TENM2: variants seen among roughly 807,000 people sequenced by gnomAD.
TENM2 encodes the protein teneurin-2.
In TENM2, 52 loss-of-function variants were observed where a neutral mutation model predicts 245.2. The observed-to-expected ratio is 0.21, with a 90% CI of 0.17 to 0.27. The LOEUF (loss-of-function observed/expected upper bound fraction) is 0.27, where lower values mean the gene tolerates loss of function less well. TENM2 is among the 10% of genes least tolerant of loss of function. TENM2 has a pLI of 1.00. For missense variants in TENM2, 3,046 were observed against 3,666.8 expected (o/e 0.83, Z 4.37); for synonymous variants, 1,363 against 1,438.9 (o/e 0.95, Z 1.19).
intron 2 of TENM2, among the ~76,000 whole-genome samples, chr5:167,521,884 C>A (rs929824742): frequency 6.6e-6 from 1 of 151,992 alleles, no homozygotes; most frequent in African/African-American, 2.4e-5. Context: ...TTAAAAGATT[C>A]TCTCTCTATC....
chr5:167,383,092 G>A (rs1399675281), intron 2 of TENM2, among the ~76,000 whole-genome samples: 1 of 152,076 alleles, frequency 6.6e-6, no homozygotes, highest in East Asian at 1.9e-4. Flanking sequence ...TTGTGTGTAT[G>A]TCTCTTTGTA....
chr5:167,663,218 T>C (rs1340638104), intron 2 of TENM2, among the ~76,000 whole-genome samples: 1 of 148,664 alleles, frequency 6.7e-6, no homozygotes, highest in Admixed American at 6.7e-5. Flanking sequence ...GGGCTCCTCC[T>C]CAGACCATCT....
At chr5:167,331,580 ACTTTT>A (rs1006937694) in intron 1 of TENM2, among the ~76,000 whole-genome samples, 3 of 152,082 alleles carry the variant, frequency 2.0e-5, no homozygotes, top group South Asian at 2.1e-4. Flanking sequence ...CAAAAACTAG[ACTTTT>A]CTTTGTTGGG....
chr5:167,525,501 G>A (rs542674130), intron 2 of TENM2, among the ~76,000 whole-genome samples: 2 of 152,240 alleles, frequency 1.3e-5, no homozygotes, highest in South Asian at 4.1e-4. Flanking sequence ...GAATGCATGA[G>A]TGTGCTGGTA....
At chr5:167,790,891 T>C (rs1197369088) in intron 2 of TENM2, among the ~76,000 whole-genome samples, 2 of 152,324 alleles carry the variant, frequency 1.3e-5, no homozygotes, top group East Asian at 3.9e-4. Context: ...ACAAAATGTT[T>C]CTCTATCACT....
the TENM2 span, among the ~76,000 whole-genome samples, chr5:167,245,189 T>C: frequency 6.6e-6 from 1 of 152,152 alleles, no homozygotes; most frequent in Admixed American, 6.6e-5. Flanking sequence ...ATGCTAATAT[T>C]TGTAATGTCA....
intron 2 of TENM2, among the ~76,000 whole-genome samples, chr5:167,523,575 C>T (rs1280183541): frequency 1.3e-5 from 2 of 151,936 alleles, no homozygotes; most frequent in Non-Finnish European, 2.9e-5. Flanking sequence ...GGTGTTCGCT[C>T]ATTGAAAAAA....
At chr5:167,154,532 A>T in the TENM2 span, among the ~76,000 whole-genome samples, 13 of 152,234 alleles carry the variant, frequency 8.5e-5, no homozygotes, top group African/African-American at 3.1e-4. Flanking sequence ...ATCTCAACTG[A>T]TAGTGAATAA....
rs546970838 is a variant in TENM2, at chr5:167,867,229, G to A, written c.503-8757G>A. 2.6e-5 allele frequency among the ~76,000 whole-genome samples: 4 copies of A among 152,164 alleles called. No homozygotes were observed. In the South Asian group the frequency reaches 8.3e-4, roughly 32 times the overall value. On this transcript the variant is annotated intron_variant, in intron 2 of 28. Transcript: ENST00000518659. ...CATTTCACCTCATGAAGATGAAAGG[G>A]CTAGCATTAGAAAATTACAGAAATT...
In TENM2 at chr5:167,943,532, A is replaced by G. The variant is rs1240957628; in HGVS notation, c.713-9056A>G. On this transcript the variant is annotated intron_variant, in intron 3 of 28. Coordinates refer to ENST00000518659, the Ensembl canonical transcript of TENM2. Reference sequence around the variant, plus strand: ...AAAAATAGCCTGGTCTTTGAAAAACATATTATCTTTCATGGGTAGGGAAAT... The same window carrying G: ...AAAAATAGCCTGGTCTTTGAAAAACGTATTATCTTTCATGGGTAGGGAAAT... Among the ~76,000 whole-genome samples, 2 of 152,196 alleles carry G rather than the reference A, an allele frequency of 1.3e-5. 1 individual carries two copies. Among genetic ancestry groups the G allele is most frequent in the Non-Finnish European group, 2.9e-5 (2 of 68,044 alleles).
At chr5:168,116,552 C>A (rs1795096741) in intron 9 of TENM2, among the ~76,000 whole-genome samples, 1 of 152,162 alleles carries the variant, frequency 6.6e-6, no homozygotes, top group African/African-American at 2.4e-5. Flanking sequence ...CCGCAACCCC[C>A]CACCACTGGG....
intron 27 of TENM2, among the ~76,000 whole-genome samples, chr5:168,257,664 GGA>G (rs1407627895): frequency 6.8e-6 from 1 of 146,520 alleles, no homozygotes; most frequent in Non-Finnish European, 1.5e-5. Flanking sequence ...TTGCCAGGCT[GGA>G]GTGCAGTAGC....
intron 2 of TENM2, among the ~76,000 whole-genome samples, chr5:167,820,521 CAG>C (rs937081634): frequency 2.6e-5 from 4 of 152,192 alleles, no homozygotes; most frequent in Admixed American, 6.5e-5. Flanking sequence ...GAGAAGCCAA[CAG>C]AGGAGGAACT....
chr5:167,735,084 A>G (rs1180354183), intron 2 of TENM2, among the ~76,000 whole-genome samples: 1 of 152,172 alleles, frequency 6.6e-6, no homozygotes, highest in Non-Finnish European at 1.5e-5. Flanking sequence ...ACAAATATCT[A>G]TATATAAAGA....
chr5:167,567,677 A>T (rs1773994421), intron 2 of TENM2, among the ~76,000 whole-genome samples: 1 of 151,966 alleles, frequency 6.6e-6, no homozygotes, highest in Non-Finnish European at 1.5e-5. Flanking sequence ...ACACTGGTTG[A>T]TGCGCAGCAT....
At chr5:167,181,563 G>A in the TENM2 span, among the ~76,000 whole-genome samples, 1 of 148,196 alleles carries the variant, frequency 6.7e-6, no homozygotes, top group African/African-American at 2.5e-5. Context: ...CAGATATACT[G>A]TTGTGTAAAG....
At chr5:167,660,490 A>AAAAAAAAAAC (rs1755138444) in intron 2 of TENM2, 1 of 150,320 alleles carries the variant, frequency 6.7e-6, no homozygotes, top group African/African-American at 2.5e-5. Flanking sequence ...AAAAAAAAAA[A>AAAAAAAAAAC]AAGATATTAC....
intron 1 of TENM2, among the ~76,000 whole-genome samples, chr5:167,338,072 A>G (rs1757882343): frequency 6.6e-6 from 1 of 152,228 alleles, no homozygotes; most frequent in Non-Finnish European, 1.5e-5. Context: ...GGACAATCTC[A>G]TAATTAAAAT....
At chr5:168,148,414 A>G (rs1756304388) in intron 12 of TENM2, among the ~76,000 whole-genome samples, 2 of 152,230 alleles carry the variant, frequency 1.3e-5, no homozygotes, top group South Asian at 4.1e-4. Flanking sequence ...TATTTCTCAT[A>G]CTGTGCCACA....
Sources: allele counts gnomAD v4.1 joint callset (sites outside exome capture counted in the v4.1 genomes callset), GRCh38; gene constraint gnomAD v4.1.1; transcripts MANE v1.5; gene names NCBI Gene and HGNC (gene_info 2026-07-23, HGNC 2026-07-21).